The following GABRR3 variants were observed in gnomAD, a reference collection of about 807,000 sequenced individuals.
GABRR3 encodes gamma-aminobutyric acid receptor subunit rho-3.
A neutral mutation model predicts 43.2 loss-of-function variants in GABRR3; 29 were observed. That is an observed-to-expected ratio of 0.67 (90% CI 0.50 to 0.92). The LOEUF is 0.92. Among genes scored for constraint, GABRR3 ranks in the 40% least tolerant of loss-of-function variants. The pLI is 0.00. For synonymous variants in GABRR3, 206 were observed against 195.9 expected (o/e 1.05, Z -0.43); for missense variants, 576 against 572.3 (o/e 1.01, Z -0.07).
chr3:98,029,667 A>G (rs1432353047), intron 2 of GABRR3, among the ~76,000 whole-genome samples: 1 of 152,194 alleles, frequency 6.6e-6, no homozygotes, highest in Non-Finnish European at 1.5e-5. Context: ...ACACGAAGAG[A>G]CTAGTTACCC....
chr3:98,032,063 CATAGTATAGTATAGTATAGTATAGT>C (rs63090761), intron 2 of GABRR3, among the ~76,000 whole-genome samples: 11 of 140,418 alleles, frequency 7.8e-5, no homozygotes, highest in South Asian at 2.5e-4. Context: ...GTGTCTAGCA[CATAGTATAGTATAGTATAGTATAGT>C]ATAGTATAGT....
intron 4 of GABRR3, among the ~76,000 whole-genome samples, chr3:98,014,444 A>G (rs1212226306): frequency 6.6e-6 from 1 of 152,210 alleles, no homozygotes; most frequent in Admixed American, 6.5e-5. Flanking sequence ...TCAGAGCACA[A>G]CAGGCTTGGG....
chr3:98,020,586 T>C (rs1208392964), intron 3 of GABRR3, among the ~76,000 whole-genome samples: 1 of 152,056 alleles, frequency 6.6e-6, no homozygotes, highest in Non-Finnish European at 1.5e-5. Context: ...TGCTGACAAC[T>C]GTCTCTACAA....
At chr3:97,988,633 T>A (rs1321376958) in intron 9 of GABRR3, among the ~76,000 whole-genome samples, 2 of 141,990 alleles carry the variant, frequency 1.4e-5, no homozygotes, top group African/African-American at 5.3e-5. Flanking sequence ...TGGTGAATGG[T>A]GGTGGTGGGT....
intron 6 of GABRR3, 88 bp downstream of exon 6, chr3:98,008,868 G>T: frequency 6.0e-5 from 32 of 532,872 alleles, no homozygotes; most frequent in East Asian, 1.2e-4. Flanking sequence ...ATTTTAAAAT[G>T]TTTGTTAAGA....
intron 8 of GABRR3, 23 bp from the exon 9 acceptor site, chr3:97,993,071 A>C (rs2107226671): frequency 6.4e-7 from 1 of 1,556,816 alleles, no homozygotes; most frequent in South Asian, 1.2e-5. Flanking sequence ...AATAGTGGCA[A>C]GCTCAGTGAT....
At chr3:98,018,048 G>T in intron 3 of GABRR3, among the ~76,000 whole-genome samples, 1 of 146,858 alleles carries the variant, frequency 6.8e-6, no homozygotes, top group East Asian at 2.0e-4. Context: ...ACCTACTAGT[G>T]ATTTAAAAAG....
At position 98,008,151 on chromosome 3, in the gene GABRR3, T is replaced by C. The variant is rs111402094; in HGVS notation, c.614-247A>G. ...TGGATCTTGTGCCCACACAATGAAT[T>C]GAAACTCCCCAGATAGCTGCTCCCA... is the stretch of plus-strand genomic sequence containing the variant. On this transcript the variant is annotated intron_variant, in intron 6 of 9. Transcript: ENST00000621172. Among the ~76,000 whole-genome samples, 1,384 of 152,302 alleles carry C rather than the reference T, an allele frequency of 9.1e-3. 15 individuals are homozygous for C. Among genetic ancestry groups the C allele is most frequent in the African/African-American group, 0.029 (1,221 of 41,560 alleles).
At chr3:98,014,222 C>G (rs1304884735) in intron 4 of GABRR3, among the ~76,000 whole-genome samples, 2 of 152,178 alleles carry the variant, frequency 1.3e-5, no homozygotes, top group African/African-American at 4.8e-5. Context: ...ATGTCCAGTT[C>G]TGGGTGCTGC....
At chr3:98,007,655 G>T in intron 7 of GABRR3, 109 bp downstream of exon 7, 1 of 1,180,426 alleles carries the variant, frequency 8.5e-7, no homozygotes. Context: ...TGATGGTGCT[G>T]GCCAAAGGGG....
chr3:97,990,095 T>A (rs531428813), intron 9 of GABRR3, among the ~76,000 whole-genome samples: 1 of 152,284 alleles, frequency 6.6e-6, no homozygotes, highest in East Asian at 1.9e-4. Context: ...TTCCCACTCT[T>A]CCTAGTAATA....
intron 8 of GABRR3, among the ~76,000 whole-genome samples, chr3:97,995,925 T>C (rs1296061660): frequency 6.6e-6 from 1 of 152,208 alleles, no homozygotes; most frequent in Non-Finnish European, 1.5e-5. Flanking sequence ...CTACGCATAG[T>C]TAGGAAAGTG....
intron 7 of GABRR3, among the ~76,000 whole-genome samples, chr3:98,003,389 T>C (rs1326999228): frequency 1.3e-5 from 2 of 151,550 alleles, no homozygotes; most frequent in Non-Finnish European, 2.9e-5. Context: ...CCTTTCTTTA[T>C]TCATAATTTT....
intron 5 of GABRR3, among the ~76,000 whole-genome samples, chr3:98,010,738 G>A (rs1164934518): frequency 6.6e-6 from 1 of 152,090 alleles, no homozygotes; most frequent in Non-Finnish European, 1.5e-5. Flanking sequence ...AGATAGTGTC[G>A]TTCTGCTCCT....
chr3:97,999,822 G>A (rs1331087678), intron 8 of GABRR3: 2 of 152,074 alleles, frequency 1.3e-5, no homozygotes, highest in Non-Finnish European at 2.9e-5. Flanking sequence ...AGGAAGATGA[G>A]GCTGGAACTC....
intron 3 of GABRR3, among the ~76,000 whole-genome samples, chr3:98,024,207 C>T (rs919354037): frequency 4.6e-5 from 7 of 151,944 alleles, no homozygotes; most frequent in African/African-American, 1.4e-4. Context: ...AAACATGCAA[C>T]AATTAGCTTG....
chr3:98,008,304 C>T (rs1226138055), intron 6 of GABRR3, among the ~76,000 whole-genome samples: 1 of 152,130 alleles, frequency 6.6e-6, no homozygotes, highest in African/African-American at 2.4e-5. Flanking sequence ...GGATGAAATT[C>T]CAAAATGGGC....
chr3:98,035,160 G>T, intron 1 of GABRR3, 30 bp downstream of exon 1: 1 of 694,422 alleles, frequency 1.4e-6, no homozygotes. Flanking sequence ...AGATTAAATT[G>T]ACTCACAGCA....
intron 6 of GABRR3, 112 bp from the exon 7 acceptor site, chr3:98,008,016 T>C (rs1706744179): frequency 1.2e-6 from 1 of 806,396 alleles, no homozygotes; most frequent in Non-Finnish European, 1.9e-6. Context: ...TCCAATGACA[T>C]GTACATATTA....
Sources: gnomAD v4.1 joint callset for allele counts (sites outside exome capture counted in the v4.1 genomes callset) on GRCh38, gnomAD v4.1.1 for gene constraint, MANE v1.5 for transcripts, NCBI Gene and HGNC (gene_info 2026-07-23, HGNC 2026-07-21) for gene names.